Variants in TBC1D1 observed in about 807,000 individuals in gnomAD.
The protein encoded by TBC1D1 is TBC1 (tre-2/USP6, BUB2, cdc16) domain family, member 1.
In TBC1D1, 89 loss-of-function variants were observed where a neutral mutation model predicts 125.6. That is an observed-to-expected ratio of 0.71 (90% CI 0.60 to 0.85). The LOEUF (loss-of-function observed/expected upper bound fraction) is 0.85, where lower values mean the gene tolerates loss of function less well. Ranked by LOEUF, TBC1D1 falls within the 40% of genes least tolerant of loss-of-function variation. TBC1D1 has a pLI of 0.00. For missense variants in TBC1D1, 1,377 were observed against 1,469.2 expected (o/e 0.94, Z 1.03); for synonymous variants, 565 against 564.1 (o/e 1.00, Z -0.02).
chr4:38,042,130 C>T (rs373230355), intron 8 of TBC1D1, among the ~76,000 whole-genome samples: 4 of 151,958 alleles, frequency 2.6e-5, no homozygotes, highest in East Asian at 1.9e-4. Flanking sequence ...AAGCCAAGAT[C>T]GTACCACTGC....
chr4:38,036,914 A>G (rs147098277), intron 8 of TBC1D1, among the ~76,000 whole-genome samples: 1 of 152,084 alleles, frequency 6.6e-6, no homozygotes, highest in African/African-American at 2.4e-5. Flanking sequence ...TCATTTTTGG[A>G]TGGACCAGTT....
At chr4:38,097,322 C>G (rs1213659358) in intron 14 of TBC1D1, among the ~76,000 whole-genome samples, 1 of 150,126 alleles carries the variant, frequency 6.7e-6, no homozygotes, top group Non-Finnish European at 1.5e-5. Context: ...GGCACCATGC[C>G]TGGCTAATTT....
At chr4:38,063,274 A>G (rs187600271) in intron 12 of TBC1D1, among the ~76,000 whole-genome samples, 65 of 152,306 alleles carry the variant, frequency 4.3e-4, no homozygotes, top group African/African-American at 1.5e-3. Flanking sequence ...GTAAGGAGGC[A>G]TTCACTTTCA....
At chr4:38,074,087 G>A (rs1235498323) in intron 12 of TBC1D1, among the ~76,000 whole-genome samples, 1 of 152,162 alleles carries the variant, frequency 6.6e-6, no homozygotes, top group Admixed American at 6.5e-5. Flanking sequence ...AAATCCTGAA[G>A]TCACTGCCAG....
chr4:38,092,030 T>C lies in TBC1D1; in HGVS notation c.2236+1913T>C, dbSNP rs1758511556. The stretch of plus-strand genomic sequence containing the variant: ...TATAATGTTGGAAGTATTAATCCAT[T>C]GTATTAGTGTGTACAGGACCTGGAT... On this transcript the variant is annotated intron_variant, in intron 13 of 19. Coordinates refer to ENST00000261439, the MANE Select transcript of TBC1D1 (RefSeq NM_015173.4). Among the ~76,000 whole-genome samples the C allele has an allele frequency of 2.6e-5, 4 of 152,288 alleles. No homozygotes were observed. In the South Asian group the frequency reaches 8.3e-4, roughly 32 times the overall value.
Position 37,902,513 on chromosome 4 carries a change from G to GT in TBC1D1, c.417+2dup. The GT allele has an allele frequency of 6.3e-7, 1 of 1,587,240 alleles. No individual in the cohort carries two copies. Among genetic ancestry groups the GT allele is most frequent in the Non-Finnish European group, 8.6e-7 (1 of 1,164,882 alleles). On this transcript the variant is annotated splice_donor_variant, in intron 2 of 19. Transcript: ENST00000261439. LOFTEE classifies it high-confidence loss of function. ...GTTCAAAGCCGATGATCAAACAAAA[G>GT]TAAGTGAGATGGAGATCCAAAAGAC...
intron 1 of TBC1D1, among the ~76,000 whole-genome samples, chr4:37,893,216 G>A (rs1162830334): frequency 2.0e-5 from 3 of 152,168 alleles, no homozygotes; most frequent in Non-Finnish European, 4.4e-5. Context: ...CTTTGAACAT[G>A]CTTTTAATTT....
chr4:38,040,329 G>A (rs189196257), intron 8 of TBC1D1, among the ~76,000 whole-genome samples: 16 of 151,932 alleles, frequency 1.1e-4, no homozygotes, highest in South Asian at 2.1e-4. Flanking sequence ...TCGCTCTGTC[G>A]CCAGGCTAGA....
intron 2 of TBC1D1, among the ~76,000 whole-genome samples, chr4:37,947,402 C>T (rs971622998): frequency 6.6e-6 from 1 of 152,188 alleles, no homozygotes; most frequent in South Asian, 2.1e-4. Context: ...AGTGATCCAC[C>T]TGCTTCGGTC....
At chr4:38,070,662 A>G (rs1754550108) in intron 12 of TBC1D1, among the ~76,000 whole-genome samples, 1 of 152,174 alleles carries the variant, frequency 6.6e-6, no homozygotes, top group African/African-American at 2.4e-5. Context: ...GTATCTACTG[A>G]GATTATAGTA....
chr4:37,977,532 A>G lies in TBC1D1; in HGVS notation c.418-36977A>G. On this transcript the variant is annotated intron_variant, in intron 2 of 19. Coordinates refer to ENST00000261439, the MANE Select transcript of TBC1D1 (RefSeq NM_015173.4). This position sits in a 1 kb window ranked among gnomAD's most constrained non-coding sequence, Gnocchi z 4.3. ...CATTGTTCAGCTGGGTGGCCAAGGTAGGCGGCGTCGGGCGGGCGCCCGTTA... is the reference window on the plus strand; with the variant it reads ...CATTGTTCAGCTGGGTGGCCAAGGTGGGCGGCGTCGGGCGGGCGCCCGTTA... The G allele has an allele frequency of 1.0e-6, 1 of 972,678 alleles. No homozygotes were observed. Among genetic ancestry groups the G allele is most frequent in the Non-Finnish European group, 1.2e-6 (1 of 807,194 alleles). The allele number at this position is 972,678 out of a possible 1,614,324, so 60.3% of individuals were successfully genotyped here.
chr4:38,041,993 G>T (rs747861415), intron 8 of TBC1D1, among the ~76,000 whole-genome samples: 12 of 152,004 alleles, frequency 7.9e-5, no homozygotes, highest in Non-Finnish European at 1.8e-4. Context: ...GGTCAACATG[G>T]CGAAACCCCA....
intron 2 of TBC1D1, among the ~76,000 whole-genome samples, chr4:37,903,708 C>T (rs1426821084): frequency 6.6e-6 from 1 of 152,076 alleles, no homozygotes. Flanking sequence ...TTTGTTGGTT[C>T]TTCTAGTCAT....
intron 12 of TBC1D1, among the ~76,000 whole-genome samples, chr4:38,066,598 G>A (rs1293500122): frequency 6.6e-6 from 1 of 152,170 alleles, no homozygotes; most frequent in Non-Finnish European, 1.5e-5. Context: ...CTCCCAACAT[G>A]CTGGGATTAC....
Position 38,012,517 on chromosome 4 carries a change from C to A in TBC1D1, c.418-1992C>A, listed in dbSNP as rs62298554. Among the ~76,000 whole-genome samples the A allele has an allele frequency of 5.6e-3, 855 of 152,192 alleles. 9 individuals carry two copies. The highest frequency in any genetic ancestry group is 0.02 in the African/African-American group (812 of 41,518). On this transcript the variant is annotated intron_variant, in intron 2 of 19. Transcript: ENST00000261439. ...CTTGAGCTCCTGAGCTCAAGCAATC[C>A]GCCTGCCTTGGCCTCCCAAAGTGCT... is the stretch of plus-strand genomic sequence containing the variant.
chr4:38,023,337 A>G (rs887336664), intron 6 of TBC1D1, among the ~76,000 whole-genome samples: 24 of 152,218 alleles, frequency 1.6e-4, no homozygotes, highest in African/African-American at 5.5e-4. Context: ...AAAAAAATAT[A>G]GTAAAAACAT....
chr4:38,102,938 T>G, intron 14 of TBC1D1, 61 bp from the exon 17 acceptor site: 1 of 1,493,258 alleles, frequency 6.7e-7, no homozygotes, highest in Non-Finnish European at 9.0e-7. Flanking sequence ...CACAATTCAT[T>G]TTTATTATTA....
chr4:37,937,773 G>A (rs559132871), intron 2 of TBC1D1, among the ~76,000 whole-genome samples: 1 of 152,282 alleles, frequency 6.6e-6, no homozygotes, highest in African/African-American at 2.4e-5. Context: ...TGGCTGCTTG[G>A]AGTCTGAAGC....
rs1766923883 is a variant in TBC1D1 at position 38,138,089 on chromosome 4, T to G, written c.*754T>G. ...TTTGGATATCCTGATCACTGTCAAG[T>G]GAAATGGATCTCTCTCTTTGGTATT... is the stretch of plus-strand genomic sequence containing the variant. On this transcript the variant is annotated 3_prime_UTR_variant, in exon 20 of 20. Coordinates refer to ENST00000261439, the MANE Select transcript of TBC1D1 (RefSeq NM_015173.4). 4 of 152,352 alleles carry G rather than the reference T, an allele frequency of 2.6e-5. No individual in the cohort carries two copies. Among genetic ancestry groups the G allele is most frequent in the Admixed American group, 6.5e-5 (1 of 15,300 alleles). 9.4% of individuals were successfully genotyped at this position (152,352 alleles called of 1,614,324 possible).
Sources: allele counts gnomAD v4.1 joint callset (sites outside exome capture counted in the v4.1 genomes callset), GRCh38; gene constraint gnomAD v4.1.1; non-coding constraint Gnocchi (gnomAD v3.1); transcripts MANE v1.5; gene names NCBI Gene and HGNC (gene_info 2026-07-23, HGNC 2026-07-21).